DLC1: variants seen among roughly 807,000 people sequenced by gnomAD.
DLC1 encodes the protein DLC1 Rho GTPase activating protein.
DLC1 carries 54 observed loss-of-function variants against 140.3 expected under a neutral mutation model. The ratio of observed to expected loss-of-function variants is 0.38; its 90% confidence interval spans 0.31 to 0.48. DLC1 has a LOEUF of 0.48. Ranked by LOEUF, DLC1 falls within the 20% of genes least tolerant of loss-of-function variation. The pLI, the probability that DLC1 is intolerant of heterozygous loss-of-function variation, is 0.96. For synonymous variants in DLC1, 986 were observed against 728.1 expected, an observed-to-expected ratio of 1.35 and a Z score of -5.70; for missense variants, 2,536 against 1,907.0, an observed-to-expected ratio of 1.33 and a Z score of -6.14.
Position 13,312,097 on chromosome 8 carries a change from C to T in DLC1, c.1315-6795G>A. Among the ~76,000 whole-genome samples, 2 of 130,634 alleles carry T rather than the reference C, an allele frequency of 1.5e-5. 1 individual carries two copies. The highest frequency in any genetic ancestry group is 5.4e-4 in the South Asian group (2 of 3,670). 85.7% of individuals were successfully genotyped at this position (130,634 alleles called of 152,430 possible). A position where few individuals can be genotyped will look rare whatever the true frequency, so the allele number is the denominator to read the frequency against. ...TTTCTTTAGGCCGGGCGCGGTGGCTCACGCCTGTAATCCCAGCACTTTGGG... is the reference window on the plus strand; with the variant it reads ...TTTCTTTAGGCCGGGCGCGGTGGCTTACGCCTGTAATCCCAGCACTTTGGG... On this transcript the variant is annotated intron_variant, in intron 4 of 17. Transcript: ENST00000276297.
chr8:13,154,573 G>A (rs917838668), intron 5 of DLC1, among the ~76,000 whole-genome samples: 7 of 152,258 alleles, frequency 4.6e-5, no homozygotes, highest in African/African-American at 1.7e-4. Flanking sequence ...TCCTGCTGGC[G>A]CCTCTCCCTC....
intron 5 of DLC1, among the ~76,000 whole-genome samples, chr8:13,226,367 A>G (rs891065748): frequency 1.3e-5 from 2 of 152,244 alleles, no homozygotes; most frequent in African/African-American, 2.4e-5. Context: ...AGTGCTGCAT[A>G]CATGATGAAT....
At chr8:13,415,002 C>T (rs1224915194) in intron 2 of DLC1, among the ~76,000 whole-genome samples, 2 of 152,012 alleles carry the variant, frequency 1.3e-5, no homozygotes, top group African/African-American at 4.8e-5. Context: ...ATAGTAGAGA[C>T]ATGGTTTCAC....
At chr8:13,567,999 T>A (rs779936142) in intron 1 of DLC1, 1 of 1,472,516 alleles carries the variant, frequency 6.8e-7, no homozygotes, top group Non-Finnish European at 9.0e-7. Context: ...CCATAATTTC[T>A]ACAGGCACTT....
chr8:13,376,170 C>A (rs530734711), intron 4 of DLC1, among the ~76,000 whole-genome samples: 1 of 152,128 alleles, frequency 6.6e-6, no homozygotes, highest in Non-Finnish European at 1.5e-5. Context: ...TGCTTCATGT[C>A]TGTGTATTGG....
At chr8:13,482,135 A>T (rs1800766661) in intron 2 of DLC1, among the ~76,000 whole-genome samples, 1 of 152,190 alleles carries the variant, frequency 6.6e-6, no homozygotes, top group Non-Finnish European at 1.5e-5. Flanking sequence ...TTGTTAGGAC[A>T]GCCCAAGAAA....
intron 5 of DLC1, among the ~76,000 whole-genome samples, chr8:13,168,601 G>C (rs772674435): frequency 6.6e-6 from 1 of 152,202 alleles, no homozygotes; most frequent in Non-Finnish European, 1.5e-5. Flanking sequence ...GAAAGGAAAA[G>C]ACACAGTATC....
intron 5 of DLC1, among the ~76,000 whole-genome samples, chr8:13,196,739 C>T (rs1827082575): frequency 6.6e-6 from 1 of 152,310 alleles, no homozygotes. Flanking sequence ...TCACGAGAGT[C>T]ATGACATACA....
intron 4 of DLC1, among the ~76,000 whole-genome samples, chr8:13,364,245 C>T (rs73205709): frequency 0.12 from 17,978 of 152,028 alleles, 1,265 homozygotes; most frequent in Non-Finnish European, 0.16. Context: ...ACCTAGTTTG[C>T]TCCCTCTTCG....
intron 7 of DLC1, among the ~76,000 whole-genome samples, chr8:13,108,034 G>C (rs937629515): frequency 2.0e-5 from 3 of 152,014 alleles, no homozygotes; most frequent in Non-Finnish European, 4.4e-5. Context: ...GACAGAGTGA[G>C]ACTCCATCTC....
chr8:13,093,439 T>A (rs1195223518), intron 12 of DLC1, among the ~76,000 whole-genome samples: 1 of 152,160 alleles, frequency 6.6e-6, no homozygotes, highest in African/African-American at 2.4e-5. Flanking sequence ...AGTAATTTCT[T>A]AAGTTTTAGA....
chr8:13,322,784 G>T (rs1586136430), intron 4 of DLC1, among the ~76,000 whole-genome samples: 1 of 152,200 alleles, frequency 6.6e-6, no homozygotes, highest in Non-Finnish European at 1.5e-5. Context: ...GCTATGATGA[G>T]TTTTAAATGT....
chr8:13,339,803 C>T (rs1833960119), intron 4 of DLC1: 1 of 152,190 alleles, frequency 6.6e-6, no homozygotes, highest in African/African-American at 2.4e-5. Flanking sequence ...AGATAGTTTA[C>T]AAAGTTTTTC....
chr8:13,471,006 C>T (rs974027513), intron 2 of DLC1, among the ~76,000 whole-genome samples: 2 of 152,068 alleles, frequency 1.3e-5, no homozygotes, highest in Non-Finnish European at 2.9e-5. Context: ...ATGGATGAAT[C>T]TGGAAAATAG....
chr8:13,269,620 G>T (rs1364896800), intron 5 of DLC1, among the ~76,000 whole-genome samples: 1 of 145,438 alleles, frequency 6.9e-6, no homozygotes, highest in African/African-American at 2.6e-5. Flanking sequence ...CAGGAAGATT[G>T]CTGAGTTCAG....
At chr8:13,396,821 C>T (rs541833320) in intron 3 of DLC1, among the ~76,000 whole-genome samples, 1 of 152,246 alleles carries the variant, frequency 6.6e-6, no homozygotes, top group South Asian at 2.1e-4. Flanking sequence ...CAAAAGCTCT[C>T]CCAAAATCTC....
chr8:13,416,257 C>G (rs1172130197), intron 2 of DLC1, among the ~76,000 whole-genome samples: 1 of 152,144 alleles, frequency 6.6e-6, no homozygotes, highest in Non-Finnish European at 1.5e-5. Context: ...GCAAATATCA[C>G]TCTATAGCAA....
At chr8:13,216,797 C>T (rs1019668586) in intron 5 of DLC1, among the ~76,000 whole-genome samples, 1 of 152,010 alleles carries the variant, frequency 6.6e-6, no homozygotes, top group Non-Finnish European at 1.5e-5. Context: ...ACTAGTAGTA[C>T]CCCCAGCTGT....
intron 1 of DLC1, among the ~76,000 whole-genome samples, chr8:13,521,550 A>T (rs896041580): frequency 6.6e-6 from 1 of 152,116 alleles, no homozygotes; most frequent in Non-Finnish European, 1.5e-5. Context: ...GCCTGTCTTC[A>T]GTCCCCTCAA....
Sources: gnomAD v4.1 joint callset for allele counts (sites outside exome capture counted in the v4.1 genomes callset) on GRCh38, gnomAD v4.1.1 for gene constraint, MANE v1.5 for transcripts, NCBI Gene and HGNC (gene_info 2026-07-23, HGNC 2026-07-21) for gene names.